The following RPE variants were observed in gnomAD, a reference collection of about 807,000 sequenced individuals.
RPE encodes the protein ribulose-phosphate 3-epimerase.
Under a neutral mutation model 24.6 loss-of-function variants are expected in RPE, and 16 were observed. The observed-to-expected ratio is 0.65, with a 90% CI of 0.44 to 0.99. The LOEUF (loss-of-function observed/expected upper bound fraction) is 0.99, where lower values mean the gene tolerates loss of function less well. Ranked by LOEUF, RPE falls within the 50% of genes least tolerant of loss-of-function variation. The pLI is 0.00. For missense variants in RPE, 240 were observed against 294.5 expected (o/e 0.81, Z 1.35); for synonymous variants, 93 against 98.4 (o/e 0.94, Z 0.33).
intron 3 of RPE, 139 bp downstream of exon 3, chr2:210,016,251 A>C (rs772474609): frequency 1.9e-6 from 3 of 1,614,080 alleles, no homozygotes; most frequent in Non-Finnish European, 2.5e-6. Flanking sequence ...GTCAGGGCCC[A>C]TTGCAGGTAA....
At chr2:210,006,562 AT>A (rs1174391796) in intron 1 of RPE, among the ~76,000 whole-genome samples, 1 of 151,852 alleles carries the variant, frequency 6.6e-6, no homozygotes, top group African/African-American at 2.4e-5. Flanking sequence ...GTAAAAGTGT[AT>A]TTTTTTTGGT....
chr2:210,018,108 G>C, intron 5 of RPE: 1 of 1,488,014 alleles, frequency 6.7e-7, no homozygotes, highest in South Asian at 1.3e-5. Context: ...TTCTCAGGAA[G>C]GCTGAAGAAA....
At chr2:210,009,778 A>T in intron 2 of RPE, 42 bp downstream of exon 2, 1 of 1,612,544 alleles carries the variant, frequency 6.2e-7, no homozygotes, top group Non-Finnish European at 8.5e-7. Flanking sequence ...TGTGTTGCTC[A>T]AGTAAAGGAA....
At position 210,021,997 on chromosome 2, in the gene RPE, A is replaced by AATC. The variant is rs935417190; in HGVS notation, c.*2210_*2212dup. 2.0e-5 allele frequency: 3 copies of AATC among 150,202 alleles called. No homozygotes were observed. Among genetic ancestry groups the AATC allele is most frequent in the East Asian group, 1.9e-4 (1 of 5,178 alleles). 9.3% of individuals were successfully genotyped at this position (150,202 alleles called of 1,614,324 possible). On this transcript the variant is annotated 3_prime_UTR_variant, in exon 6 of 6. Transcript: ENST00000359429. ...TAATTTCTTGCTAATCTAGAAATACAATCATCTTTTTTTTTTTTTTCAAAT... is the reference window on the plus strand; with the variant it reads ...TAATTTCTTGCTAATCTAGAAATACAATCATCATCTTTTTTTTTTTTTTCAAAT...
chr2:210,009,173 C>T (rs780573057), intron 1 of RPE, among the ~76,000 whole-genome samples: 10 of 152,136 alleles, frequency 6.6e-5, no homozygotes, highest in South Asian at 2.1e-4. Flanking sequence ...GAAAGGTGGT[C>T]GTTACTAATA....
chr2:210,008,233 A>G (rs1413069063), intron 1 of RPE, among the ~76,000 whole-genome samples: 1 of 151,740 alleles, frequency 6.6e-6, no homozygotes, highest in Non-Finnish European at 1.5e-5. Context: ...TTTACAAAAC[A>G]GTATTCTGAA....
At chr2:210,007,216 G>A (rs2093642307) in intron 1 of RPE, among the ~76,000 whole-genome samples, 1 of 152,156 alleles carries the variant, frequency 6.6e-6, no homozygotes, top group Non-Finnish European at 1.5e-5. Context: ...AACTGTGTGT[G>A]GCCCACATAT....
chr2:210,013,468 A>T (rs185113599), intron 2 of RPE, among the ~76,000 whole-genome samples: 1 of 152,048 alleles, frequency 6.6e-6, no homozygotes, highest in Non-Finnish European at 1.5e-5. Context: ...GGGGCACACT[A>T]CCATGCCTAG....
chr2:210,021,839 T>C lies in RPE; in HGVS notation c.*2048T>C, dbSNP rs1022849584. ...CATGTATACTCTTCAGTATCCAATATTGAAGCTTTGTTCTTTGAAAAATTT... is the reference window on the plus strand; with the variant it reads ...CATGTATACTCTTCAGTATCCAATACTGAAGCTTTGTTCTTTGAAAAATTT... On this transcript the variant is annotated 3_prime_UTR_variant, in exon 6 of 6. Transcript: ENST00000359429. The C allele has an allele frequency of 2.0e-5, 3 of 151,704 alleles. No individual in the cohort carries two copies. Among genetic ancestry groups the C allele is most frequent in the African/African-American group, 4.8e-5 (2 of 41,332 alleles). 9.4% of individuals were successfully genotyped at this position (151,704 alleles called of 1,614,324 possible).
At chr2:210,012,561 G>A (rs1029584903) in intron 2 of RPE, among the ~76,000 whole-genome samples, 1 of 152,182 alleles carries the variant, frequency 6.6e-6, no homozygotes, top group Non-Finnish European at 1.5e-5. Flanking sequence ...GTTTTCTCAA[G>A]GAAAACCACT....
intron 2 of RPE, among the ~76,000 whole-genome samples, chr2:210,010,422 T>C (rs2093684422): frequency 6.6e-6 from 1 of 152,316 alleles, no homozygotes; most frequent in African/African-American, 2.4e-5. Context: ...AATAGTGTTA[T>C]TTATTTTTTT....
At position 210,021,298 on chromosome 2, in the gene RPE, G is replaced by C. The variant is rs996714779; in HGVS notation, c.*1507G>C. The C allele has an allele frequency of 6.6e-6, 1 of 152,116 alleles. No individual in the cohort carries two copies. Among genetic ancestry groups the C allele is most frequent in the Non-Finnish European group, 1.5e-5 (1 of 67,956 alleles). 9.4% of individuals were successfully genotyped at this position (152,116 alleles called of 1,614,324 possible). A position where few individuals can be genotyped will look rare whatever the true frequency, so the allele number is the denominator to read the frequency against. ...ATAAGAATGCTAACACTTAAGCACA[G>C]ACTAGAGCTTGCTTGGGTTTCTTCC... On this transcript the variant is annotated 3_prime_UTR_variant, in exon 6 of 6. Transcript: ENST00000359429.
At chr2:210,015,493 G>A (rs979570286) in intron 2 of RPE, among the ~76,000 whole-genome samples, 3 of 152,066 alleles carry the variant, frequency 2.0e-5, no homozygotes, top group South Asian at 2.1e-4. Flanking sequence ...TTTGACTCTC[G>A]CATTAAGAAT....
intron 3 of RPE, 165 bp from the exon 4 acceptor site, chr2:210,016,342 A>G (rs2093771976): frequency 2.5e-6 from 4 of 1,569,850 alleles, no homozygotes; most frequent in Non-Finnish European, 2.6e-6. Context: ...TATGTATTCC[A>G]CTAAAGTTTT....
At chr2:210,015,357 A>AT (rs1216519272) in intron 2 of RPE, among the ~76,000 whole-genome samples, 1 of 152,216 alleles carries the variant, frequency 6.6e-6, no homozygotes. Flanking sequence ...GGCCTGCAGA[A>AT]TGCTGAAGGG....
In RPE at chr2:210,019,704, T is replaced by A; in HGVS notation, c.600T>A (p.Ile200=). The change falls in exon 6 of 6, where the codon ATT becomes ATA. Residue 200 remains isoleucine, a synonymous_variant. Transcript: ENST00000359429. ...GANMIVSGSA[I]MRSEDPRSVI... is the part of the protein sequence containing the mutation. ...ACATGATTGTGTCTGGCAGTGCTAT[T>A]ATGAGGAGTGAAGACCCCAGATCTG... 1 of 1,613,456 alleles carries A rather than the reference T, an allele frequency of 6.2e-7. No individual in the cohort carries two copies. Among genetic ancestry groups the A allele is most frequent in the Non-Finnish European group, 8.5e-7 (1 of 1,179,486 alleles).
chr2:210,018,644 G>C (rs2093812699), intron 5 of RPE: 4 of 985,128 alleles, frequency 4.1e-6, no homozygotes, highest in Non-Finnish European at 4.8e-6. Flanking sequence ...ATATCCTTTT[G>C]ATCGCTTGTG....
Position 210,009,717 on chromosome 2 carries a change from A to G in RPE, c.183A>G (p.Leu61=). 6.2e-7 allele frequency: 1 copy of G among 1,614,182 alleles called. No individual in the cohort carries two copies. Among genetic ancestry groups the G allele is most frequent in the Non-Finnish European group, 8.5e-7 (1 of 1,180,008 alleles). ...TGGTAGAAAGCCTTCGAAAGCAGCT[A>G]GGCCAGGACCCTTTCTTTGGTAAGT... ...HPVVESLRKQ[L]GQDPFFDMHM... Residue 61 remains leucine, a synonymous_variant, in exon 2 of 6, where the codon CTA becomes CTG. Transcript: ENST00000359429.
At chr2:210,013,943 A>G (rs1247930568) in intron 2 of RPE, among the ~76,000 whole-genome samples, 1 of 152,230 alleles carries the variant, frequency 6.6e-6, no homozygotes, top group African/African-American at 2.4e-5. Flanking sequence ...AATGTTAACT[A>G]TGCACAGATT....
Sources: gnomAD v4.1 joint callset for allele counts (sites outside exome capture counted in the v4.1 genomes callset) on GRCh38, gnomAD v4.1.1 for gene constraint, MANE v1.5 for transcripts, NCBI Gene and HGNC (gene_info 2026-07-23, HGNC 2026-07-21) for gene names.